FAM120A: variants seen among roughly 807,000 people sequenced by gnomAD.
FAM120A encodes the protein constitutive coactivator of PPAR-gamma-like protein 1.
FAM120A carries 15 observed loss-of-function variants against 109.7 expected under a neutral mutation model. The ratio of observed to expected loss-of-function variants is 0.14; its 90% CI spans 0.09 to 0.21. The LOEUF (loss-of-function observed/expected upper bound fraction) is 0.21. Among genes scored for constraint, FAM120A ranks in the 10% least tolerant of loss-of-function variants. FAM120A has a pLI of 1.00. For synonymous variants in FAM120A, 493 were observed against 572.8 expected, an observed-to-expected ratio of 0.86 and a Z score of 1.99; for missense variants, 899 against 1,439.3, an observed-to-expected ratio of 0.62 and a Z score of 6.07.
intron 7 of FAM120A, among the ~76,000 whole-genome samples, chr9:93,518,684 G>A (rs532691883): frequency 1.3e-5 from 2 of 152,330 alleles, no homozygotes; most frequent in East Asian, 3.9e-4. Flanking sequence ...AGAGTGAGGA[G>A]CGGGGAACTG....
intron 10 of FAM120A, among the ~76,000 whole-genome samples, chr9:93,540,696 C>T (rs766080513): frequency 2.0e-5 from 3 of 152,130 alleles, no homozygotes; most frequent in East Asian, 3.9e-4. Context: ...GGAGAGTTGT[C>T]GGAGCCTGCA....
intron 7 of FAM120A, among the ~76,000 whole-genome samples, chr9:93,523,984 G>A (rs1486689502): frequency 6.6e-6 from 1 of 152,208 alleles, no homozygotes. Context: ...GGCCGTGCAG[G>A]AGAACTCTGA....
chr9:93,479,129 C>G (rs541125611), intron 3 of FAM120A, among the ~76,000 whole-genome samples: 1 of 125,304 alleles, frequency 8.0e-6, no homozygotes, highest in Admixed American at 9.4e-5. Context: ...GACGGAGTCT[C>G]GCTCTGTCGC....
intron 3 of FAM120A, among the ~76,000 whole-genome samples, chr9:93,490,413 G>T (rs1391920539): frequency 6.6e-6 from 1 of 152,190 alleles, no homozygotes; most frequent in Non-Finnish European, 1.5e-5. Flanking sequence ...GATTAGGTCA[G>T]ACCCTGTCAA....
intron 5 of FAM120A, among the ~76,000 whole-genome samples, chr9:93,508,280 A>T (rs1296289244): frequency 6.6e-6 from 1 of 152,230 alleles, no homozygotes; most frequent in Non-Finnish European, 1.5e-5. Flanking sequence ...GATGCTACAC[A>T]GTGATGAGCA....
At chr9:93,456,031 T>C (rs563233435) in intron 1 of FAM120A, among the ~76,000 whole-genome samples, 1 of 152,350 alleles carries the variant, frequency 6.6e-6, no homozygotes, top group African/African-American at 2.4e-5. Context: ...TGTTCAGTAG[T>C]AGTAATTGTA....
chr9:93,454,685 C>T lies in FAM120A; in HGVS notation c.474+2296C>T, dbSNP rs139166679. On this transcript the variant is annotated intron_variant, in intron 1 of 17. Transcript: ENST00000277165. ...AAGAAAAGGAAAACAACCCTATGTA[C>T]TTCCTTGGTCCCTGAGGGTAGTACA... Among the ~76,000 whole-genome samples, 5 of 152,330 alleles carry T rather than the reference C, an allele frequency of 3.3e-5. No homozygotes were observed. In the East Asian group the frequency reaches 9.6e-4, roughly 29 times the overall value.
At chr9:93,494,981 C>A (rs1230731663) in intron 3 of FAM120A, among the ~76,000 whole-genome samples, 1 of 152,196 alleles carries the variant, frequency 6.6e-6, no homozygotes, top group Non-Finnish European at 1.5e-5. Context: ...AACGTGAAGG[C>A]CACCACAGCA....
rs967883976 is a variant in FAM120A at position 93,516,101 on chromosome 9, G to A, written c.1250G>A (p.Ser417Asn). Residue 417 changes from serine to asparagine, a missense_variant, in exon 7 of 18, where the codon AGC becomes AAC. Physicochemically the swap from Ser to Asn is conservative, Grantham distance 46. Around this residue, in one of 11 missense-constraint regions of FAM120A, gnomAD observed 30 missense variants for 32.5 expected, o/e 0.92. Transcript: ENST00000277165. Reference sequence around the variant, plus strand: ...GGGAAGAATCTGACGGAGCAGAACAGCTACAGCAACATTCCTCACGAAGGG... The same window carrying A: ...GGGAAGAATCTGACGGAGCAGAACAACTACAGCAACATTCCTCACGAAGGG... ...TSGKNLTEQN[S>N]YSNIPHEGKH... The A allele has an allele frequency of 4.3e-6, 7 of 1,613,358 alleles. No individual in the cohort carries two copies. The African/African-American group carries it at 6.7e-5, about 15-fold the overall frequency.
chr9:93,485,171 A>G (rs1401185541), intron 3 of FAM120A, among the ~76,000 whole-genome samples: 1 of 152,054 alleles, frequency 6.6e-6, no homozygotes, highest in Non-Finnish European at 1.5e-5. Flanking sequence ...CTGTACACTG[A>G]GGGCTCCTCA....
At chr9:93,484,771 G>A (rs1285958856) in intron 3 of FAM120A, among the ~76,000 whole-genome samples, 4 of 152,136 alleles carry the variant, frequency 2.6e-5, no homozygotes, top group African/African-American at 9.6e-5. Flanking sequence ...ATGGGGTTTC[G>A]CCATGTTGGC....
At position 93,516,089 on chromosome 9, in the gene FAM120A, C is replaced by T. The variant is rs376718875; in HGVS notation, c.1238C>T (p.Thr413Met). The T allele has an allele frequency of 9.2e-5, 148 of 1,612,638 alleles. No individual in the cohort carries two copies. The highest frequency in any genetic ancestry group is 4.8e-4 in the African/African-American group (36 of 74,564). Residue 413 changes from threonine (T) to methionine (M), a missense_variant, in exon 7 of 18, where the codon ACG becomes ATG. Thr to Met is a moderately conservative substitution (Grantham distance 81, BLOSUM62 -1). Transcript: ENST00000277165. ...TTGGACACGAGCGGGAAGAATCTGA[C>T]GGAGCAGAACAGCTACAGCAACATT... is the stretch of plus-strand genomic sequence containing the variant. ...LTLDTSGKNL[T>M]EQNSYSNIPH...
intron 12 of FAM120A, 123 bp downstream of exon 12, chr9:93,550,814 T>A: frequency 1.6e-6 from 1 of 633,238 alleles, no homozygotes; most frequent in Non-Finnish European, 2.8e-6. Flanking sequence ...TCCACTAAAC[T>A]AATAATACTA....
chr9:93,490,149 T>G (rs1444436186), intron 3 of FAM120A, among the ~76,000 whole-genome samples: 2 of 152,226 alleles, frequency 1.3e-5, no homozygotes, highest in Non-Finnish European at 2.9e-5. Context: ...TCCATTTCCC[T>G]TCCTTGAAAT....
Position 93,532,751 on chromosome 9 carries a change from G to A in FAM120A, c.1909+422G>A, listed in dbSNP as rs1330665812. Among the ~76,000 whole-genome samples the A allele has an allele frequency of 6.6e-6, 1 of 152,160 alleles. No individual in the cohort carries two copies. The highest frequency in any genetic ancestry group is 1.5e-5 in the Non-Finnish European group (1 of 68,024). ...GAAAACTTCCAGCAGGTCTCTGGTT[G>A]GCCATGTTTGTGCTGTTGGAGTGCC... On this transcript the variant is annotated intron_variant, in intron 10 of 17. Transcript: ENST00000277165. This position sits in a 1 kb window ranked among gnomAD's most constrained non-coding sequence, Gnocchi z 4.3.
chr9:93,523,397 G>A (rs1860926487), intron 7 of FAM120A: 1 of 1,057,474 alleles, frequency 9.5e-7, no homozygotes, highest in Non-Finnish European at 1.3e-6. Context: ...AATGACTTTA[G>A]TGTAACTGTA....
Position 93,516,168 on chromosome 9 carries a change from G to A in FAM120A, c.1317G>A (p.Pro439=), listed in dbSNP as rs138093719. The A allele has an allele frequency of 2.5e-5, 41 of 1,613,998 alleles. No individual in the cohort carries two copies. The African/African-American group carries it at 4.0e-4, about 16-fold the overall frequency. ...PLYERSSPIN[P]AQSGSPNHVD... ...ATGAGCGGTCCTCGCCCATCAACCC[G>A]GCCCAGAGCGGCAGCCCCAACCACG... is the stretch of plus-strand genomic sequence containing the variant. Residue 439 remains proline (P), a synonymous_variant, in exon 7 of 18, where the codon CCG becomes CCA. Coordinates refer to ENST00000277165, the MANE Select transcript of FAM120A (RefSeq NM_014612.5).
intron 7 of FAM120A, among the ~76,000 whole-genome samples, chr9:93,524,947 G>A (rs936527536): frequency 1.3e-5 from 2 of 152,026 alleles, no homozygotes; most frequent in African/African-American, 2.4e-5. Context: ...TCAGTTTAAG[G>A]TATTATTAGT....
At chr9:93,475,633 A>G (rs1858517023) in intron 2 of FAM120A, among the ~76,000 whole-genome samples, 2 of 152,220 alleles carry the variant, frequency 1.3e-5, no homozygotes, top group South Asian at 2.1e-4. Flanking sequence ...AATTGAATAC[A>G]GTTTTGTTTG....
Sources: gnomAD v4.1 joint callset for allele counts (sites outside exome capture counted in the v4.1 genomes callset) on GRCh38, gnomAD v4.1.1 for gene constraint, gnomAD v4.1.1 regional missense constraint, Gnocchi (gnomAD v3.1) non-coding constraint, MANE v1.5 for transcripts, NCBI Gene and HGNC (gene_info 2026-07-23, HGNC 2026-07-21) for gene names.